The following NREP variants were observed in gnomAD, a reference collection of about 807,000 sequenced individuals.
The protein encoded by NREP is neuronal regeneration-related protein.
In NREP, 5 loss-of-function variants were observed where a neutral mutation model predicts 8.6. The ratio of observed to expected loss-of-function variants is 0.58; its 90% CI spans 0.30 to 1.22. NREP has a LOEUF of 1.22. Ranked by LOEUF, NREP falls within the 50% of genes most tolerant of loss-of-function variation. The pLI is 0.07. For synonymous variants in NREP, 27 were observed against 28.0 expected, an observed-to-expected ratio of 0.96 and a Z score of 0.11; for missense variants, 86 against 82.5, an observed-to-expected ratio of 1.04 and a Z score of -0.17.
chr5:111,805,983 A>G (rs1394821716), intron 2 of NREP, among the ~76,000 whole-genome samples: 5 of 152,218 alleles, frequency 3.3e-5, no homozygotes. Flanking sequence ...TCCACAGTGT[A>G]CATGTATGTC....
At chr5:111,903,230 G>A (rs921182178) in intron 2 of NREP, among the ~76,000 whole-genome samples, 10 of 151,408 alleles carry the variant, frequency 6.6e-5, no homozygotes, top group Non-Finnish European at 2.9e-5. Flanking sequence ...GACTATAGTT[G>A]TATGCTACCA....
At chr5:111,899,955 C>T (rs1480786600) in intron 2 of NREP, among the ~76,000 whole-genome samples, 3 of 152,050 alleles carry the variant, frequency 2.0e-5, no homozygotes, top group African/African-American at 7.2e-5. Flanking sequence ...TGCCAAGAGA[C>T]ATTTACAAAA....
At chr5:111,854,978 C>T (rs1753393936) in intron 2 of NREP, among the ~76,000 whole-genome samples, 1 of 152,116 alleles carries the variant, frequency 6.6e-6, no homozygotes, top group Non-Finnish European at 1.5e-5. Flanking sequence ...GTTTATTCAT[C>T]TACCTCCCTA....
chr5:111,908,653 C>T (rs1258265107), intron 2 of NREP, among the ~76,000 whole-genome samples: 5 of 151,752 alleles, frequency 3.3e-5, no homozygotes, highest in Non-Finnish European at 5.9e-5. Context: ...ATACATACCA[C>T]TTTTTTTTAA....
At chr5:111,739,347 A>C (rs1021535835) in intron 2 of NREP, 1 of 152,264 alleles carries the variant, frequency 6.6e-6, no homozygotes, top group Non-Finnish European at 1.5e-5. Flanking sequence ...AATAAGCTCC[A>C]TGCAGGCAAG....
At chr5:111,927,101 C>G (rs183350110) in intron 2 of NREP, among the ~76,000 whole-genome samples, 76 of 152,112 alleles carry the variant, frequency 5.0e-4, no homozygotes, top group African/African-American at 1.8e-3. Context: ...GAATTGGGCC[C>G]TATATTCTGC....
intron 2 of NREP, among the ~76,000 whole-genome samples, chr5:111,885,050 T>C (rs1272617743): frequency 1.3e-5 from 2 of 152,190 alleles, no homozygotes; most frequent in African/African-American, 4.8e-5. Context: ...TGTTTGCAGA[T>C]GACATGATTG....
At chr5:111,770,554 C>CTTTTTT (rs34538408) in intron 2 of NREP, among the ~76,000 whole-genome samples, 22 of 73,626 alleles carry the variant, frequency 3.0e-4, no homozygotes, top group Non-Finnish European at 4.3e-4. Context: ...GAATTATTTC[C>CTTTTTT]TTTTTTTTTT....
intron 2 of NREP, among the ~76,000 whole-genome samples, chr5:111,754,612 T>C (rs1326033622): frequency 6.6e-6 from 1 of 152,242 alleles, no homozygotes; most frequent in African/African-American, 2.4e-5. Context: ...ACAAAATCCA[T>C]TGATTAGCTT....
At chr5:111,961,295 C>CA (rs1287628320) in intron 2 of NREP, among the ~76,000 whole-genome samples, 1 of 152,212 alleles carries the variant, frequency 6.6e-6, no homozygotes, top group Non-Finnish European at 1.5e-5. Context: ...ACTCAGCCAC[C>CA]AGTGCCCAGT....
chr5:111,907,399 T>C (rs1754804853), intron 2 of NREP, among the ~76,000 whole-genome samples: 1 of 152,122 alleles, frequency 6.6e-6, no homozygotes, highest in Non-Finnish European at 1.5e-5. Flanking sequence ...TACCTATGCA[T>C]TGGATGTCCA....
At chr5:111,907,487 G>C (rs1471029490) in intron 2 of NREP, among the ~76,000 whole-genome samples, 2 of 151,940 alleles carry the variant, frequency 1.3e-5, no homozygotes, top group Non-Finnish European at 2.9e-5. Context: ...AGATCAATTT[G>C]CTCTATTTGT....
intron 2 of NREP, among the ~76,000 whole-genome samples, chr5:111,806,335 G>C (rs181572029): frequency 1.0e-3 from 157 of 152,000 alleles, no homozygotes; most frequent in South Asian, 9.2e-3. Flanking sequence ...CCCTGTCCCT[G>C]AGTATCTCCA....
In NREP at chr5:111,928,403, T is replaced by C. The variant is rs746600589; in HGVS notation, c.135+46871A>G. ...GACAAATAAGGTTCTCAGTTTCAAA[T>C]TGAGGAAAGCAGACTTAATTTATGT... On this transcript the variant is annotated intron_variant, in intron 2 of 3. Coordinates refer to the NREP transcript ENST00000395634. 3.3e-5 allele frequency among the ~76,000 whole-genome samples: 5 copies of C among 152,240 alleles called. No homozygotes were observed. In the South Asian group the frequency reaches 1.0e-3, roughly 32 times the overall value.
rs1185442861 is a variant in NREP, at chr5:111,729,491, C to CTGAT, written c.*1426_*1429dup. On this transcript the variant is annotated 3_prime_UTR_variant, in exon 4 of 4. Transcript: ENST00000257435. ...CTGTTTTCTTGCTCTATTTACACAGCTGATATACCTATTCTAACGAAGGAG... is the reference window on the plus strand; with the variant it reads ...CTGTTTTCTTGCTCTATTTACACAGCTGATTGATATACCTATTCTAACGAAGGAG... 3.1e-4 allele frequency: 47 copies of CTGAT among 152,754 alleles called. No individual in the cohort carries two copies. Among genetic ancestry groups the CTGAT allele is most frequent in the African/African-American group, 1.0e-3 (42 of 41,560 alleles). The allele number at this position is 152,754 out of a possible 1,614,324, so 9.5% of individuals were successfully genotyped here. A position where few individuals can be genotyped will look rare whatever the true frequency, so the allele number is the denominator to read the frequency against.
intron 2 of NREP, among the ~76,000 whole-genome samples, chr5:111,936,105 T>C (rs1231423742): frequency 1.3e-5 from 2 of 152,048 alleles, no homozygotes; most frequent in African/African-American, 2.4e-5. Flanking sequence ...TTCTGTGTGG[T>C]TTTTTCCTCT....
chr5:111,777,434 G>A (rs961857551), intron 2 of NREP, among the ~76,000 whole-genome samples: 1 of 151,856 alleles, frequency 6.6e-6, no homozygotes, highest in Non-Finnish European at 1.5e-5. Flanking sequence ...AGAGGAAACC[G>A]GGTAGCTCAC....
intron 2 of NREP, among the ~76,000 whole-genome samples, chr5:111,810,664 G>T (rs945194990): frequency 6.6e-6 from 1 of 152,134 alleles, no homozygotes; most frequent in African/African-American, 2.4e-5. Context: ...CCACAATACA[G>T]CTTCTTGTAT....
chr5:111,741,404 T>G (rs1003736082), intron 2 of NREP, among the ~76,000 whole-genome samples: 1 of 151,842 alleles, frequency 6.6e-6, no homozygotes, highest in Admixed American at 6.6e-5. Context: ...CCCTTTGAGG[T>G]GGTGCTATAA....
Sources: gnomAD v4.1 joint callset for allele counts (sites outside exome capture counted in the v4.1 genomes callset) on GRCh38, gnomAD v4.1.1 for gene constraint, MANE v1.5 for transcripts, NCBI Gene and HGNC (gene_info 2026-07-23, HGNC 2026-07-21) for gene names.